The following ADNP variants were observed in gnomAD, a reference collection of about 807,000 sequenced individuals.
ADNP encodes activity-dependent neuroprotector homeobox protein.
In ADNP, 4 loss-of-function variants were observed where a neutral mutation model predicts 84.9. The observed-to-expected ratio is 0.05, with a 90% CI of 0.02 to 0.11. The LOEUF (loss-of-function observed/expected upper bound fraction) is 0.11. Ranked by LOEUF, ADNP falls within the 10% of genes least tolerant of loss-of-function variation. ADNP has a pLI of 1.00. For synonymous variants in ADNP, 554 were observed against 468.1 expected (o/e 1.18, Z -2.37); for missense variants, 1,132 against 1,326.0 (o/e 0.85, Z 2.27).
intron 2 of ADNP, among the ~76,000 whole-genome samples, chr20:50,916,738 GA>G (rs1322887696): frequency 2.0e-5 from 3 of 152,150 alleles, no homozygotes; most frequent in Non-Finnish European, 4.4e-5. Context: ...TGCCTTTTCA[GA>G]ATTAGCTTGT....
chr20:50,904,163 G>A (rs1002492376), intron 3 of ADNP, 162 bp from the exon 4 acceptor site: 9 of 603,988 alleles, frequency 1.5e-5, no homozygotes, highest in Admixed American at 8.8e-5. Context: ...CTGCTTTCAT[G>A]TGCATATGGC....
chr20:50,922,311 CCTT>C (rs1359562246), intron 2 of ADNP, among the ~76,000 whole-genome samples: 1 of 152,172 alleles, frequency 6.6e-6, no homozygotes, highest in Admixed American at 6.5e-5. Context: ...ACTGCTCTCT[CCTT>C]CTTCAGACTC....
intron 5 of ADNP, among the ~76,000 whole-genome samples, chr20:50,899,490 CATGAGCCCAG>C (rs1981744743): frequency 6.6e-6 from 1 of 152,146 alleles, no homozygotes; most frequent in African/African-American, 2.4e-5. Flanking sequence ...GGATTATAGG[CATGAGCCCAG>C]CGCCCGGCCG....
chr20:50,913,250 C>CAAAAAAAAAAAAAAAAAAAAAAAAAAA lies in ADNP; in HGVS notation c.-89-8428_-89-8402dup, dbSNP rs56911332. ...CCTGGGCAAGAGTGAGACTCTGTCT[C>CAAAAAAAAAAAAAAAAAAAAAAAAAAA]AAAAAAAAAAAAAAAAAAAAAAAAA... is the stretch of plus-strand genomic sequence containing the variant. On this transcript the variant is annotated intron_variant, in intron 2 of 5. Transcript: ENST00000621696. 1.4e-4 allele frequency among the ~76,000 whole-genome samples: 6 copies of CAAAAAAAAAAAAAAAAAAAAAAAAAAA among 42,902 alleles called. 1 individual carries two copies. Among genetic ancestry groups the CAAAAAAAAAAAAAAAAAAAAAAAAAAA allele is most frequent in the African/African-American group, 3.2e-4 (4 of 12,496 alleles). The allele number at this position is 42,902 out of a possible 152,430, so 28.1% of individuals were successfully genotyped here.
At chr20:50,903,308 A>G (rs1982165396) in intron 4 of ADNP, among the ~76,000 whole-genome samples, 1 of 152,218 alleles carries the variant, frequency 6.6e-6, no homozygotes, top group Non-Finnish European at 1.5e-5. Flanking sequence ...AGAATAAAAC[A>G]GCTTGAAAAA....
intron 5 of ADNP, 77 bp downstream of exon 5, chr20:50,901,940 C>T (rs946680069): frequency 3.3e-5 from 36 of 1,084,132 alleles, no homozygotes; most frequent in East Asian, 9.5e-5. Flanking sequence ...ATCACTGCAC[C>T]GCTATAAAAG....
intron 5 of ADNP, among the ~76,000 whole-genome samples, chr20:50,897,352 C>T (rs1341397664): frequency 1.3e-5 from 2 of 152,196 alleles, no homozygotes; most frequent in Non-Finnish European, 1.5e-5. Context: ...TCTCTTTCCT[C>T]TTCACCTATG....
chr20:50,910,905 C>T (rs1327822117), intron 2 of ADNP, among the ~76,000 whole-genome samples: 3 of 152,266 alleles, frequency 2.0e-5, no homozygotes, highest in East Asian at 1.9e-4. Context: ...CTTCCCACCT[C>T]GGCCCCGCAA....
Position 50,890,806 on chromosome 20 carries a change from A to C in ADNP, c.*599T>G. On this transcript the variant is annotated 3_prime_UTR_variant, in exon 6 of 6. Coordinates refer to ENST00000621696, the MANE Select transcript of ADNP (RefSeq NM_001282531.3). ...TAAGTCTGTCCAAAAAGTCCATACT[A>C]GCGCAGTTTTGAGCTTTTGCTAGGT... 1.3e-4 allele frequency: 64 copies of C among 510,658 alleles called. No individual in the cohort carries two copies. Among genetic ancestry groups the C allele is most frequent in the South Asian group, 1.7e-4 (2 of 11,798 alleles). The allele number at this position is 510,658 out of a possible 1,614,324, so 31.6% of individuals were successfully genotyped here.
chr20:50,914,006 G>C, intron 2 of ADNP: 1 of 753,268 alleles, frequency 1.3e-6, no homozygotes, highest in South Asian at 1.4e-5. Context: ...GCCCTTCTGG[G>C]AAAAGGTGCT....
At chr20:50,914,267 A>T (rs772739385) in intron 2 of ADNP, 2 of 706,000 alleles carry the variant, frequency 2.8e-6, no homozygotes, top group Non-Finnish European at 5.2e-6. Context: ...TTAGTCTGTG[A>T]TAAGAGTGGA....
At position 50,902,027 on chromosome 20, in the gene ADNP, G is replaced by A. The variant is rs752399004; in HGVS notation, c.191C>T (p.Thr64Met). Residue 64 changes from threonine (T) to methionine (M), a missense_variant, in exon 5 of 6, where the codon ACG (threonine) becomes ATG (methionine). This residue lies in a region of ADNP where 56 missense variants were observed against 94.6 expected (regional missense o/e 0.59). Transcript: ENST00000621696. ...TCCTGTGCCACTTACCTGGTTTTTC[G>A]TAAGTGATGGGTCCCACAGTCCTAC... ...EDVGLWDPSL[T>M]KNQDYRTKPF... 1.1e-5 allele frequency: 18 copies of A among 1,612,854 alleles called. No homozygotes were observed. In the Admixed American group the frequency reaches 2.3e-4, roughly 21 times the overall value.
At chr20:50,906,702 C>T (rs957949209) in intron 2 of ADNP, among the ~76,000 whole-genome samples, 19 of 152,218 alleles carry the variant, frequency 1.2e-4, no homozygotes. Flanking sequence ...GATGAAGCAT[C>T]TCACTGCCTG....
In ADNP at chr20:50,891,211, CAG is replaced by C; in HGVS notation, c.*192_*193del. 1 of 1,332,572 alleles carries C rather than the reference CAG, an allele frequency of 7.5e-7. No homozygotes were observed. The highest frequency in any genetic ancestry group is 1.5e-5 in the African/African-American group (1 of 66,688). 82.5% of individuals were successfully genotyped at this position (1,332,572 alleles called of 1,614,324 possible). ...TTTCACATTTAGTTACCGTGTCTGTCAGAGAAGGTTCTGAAGCAAGAACAGCC... is the reference window on the plus strand; with the variant it reads ...TTTCACATTTAGTTACCGTGTCTGTCAGAAGGTTCTGAAGCAAGAACAGCC... On this transcript the variant is annotated 3_prime_UTR_variant, in exon 6 of 6. Coordinates refer to ENST00000621696, the MANE Select transcript of ADNP (RefSeq NM_001282531.3).
At position 50,898,779 on chromosome 20, in the gene ADNP, G is replaced by A. The variant is rs1225533506; in HGVS notation, c.201+3238C>T. Among the ~76,000 whole-genome samples the A allele has an allele frequency of 2.0e-5, 3 of 152,182 alleles. No homozygotes were observed. In the East Asian group the frequency reaches 5.8e-4, roughly 29 times the overall value. On this transcript the variant is annotated intron_variant, in intron 5 of 5. Transcript: ENST00000621696. ...CAATCAAGAGACACAGTGAACACAA[G>A]CTGTATGAGGCTGCTACCAGTTACC... is the stretch of plus-strand genomic sequence containing the variant.
Position 50,930,477 on chromosome 20 carries a change from A to AC in ADNP, c.-265+348_-265+349insG, listed in dbSNP as rs1984632849. On this transcript the variant is annotated intron_variant, in intron 1 of 5. Coordinates refer to ENST00000621696, the MANE Select transcript of ADNP (RefSeq NM_001282531.3). ...GTGGGGGGCGGACGGGATTAGTTCC[A>AC]GGATGGGAGAAGCTCGGTTCTGGCT... 3.3e-5 allele frequency among the ~76,000 whole-genome samples: 5 copies of AC among 151,840 alleles called. No individual in the cohort carries two copies. The East Asian group carries it at 7.9e-4, about 24-fold the overall frequency.
intron 2 of ADNP, among the ~76,000 whole-genome samples, chr20:50,905,927 T>C (rs1487970181): frequency 6.6e-6 from 1 of 152,174 alleles, no homozygotes; most frequent in Non-Finnish European, 1.5e-5. Context: ...AAACAGTTAG[T>C]ACACACTGGG....
Position 50,889,695 on chromosome 20 carries a change from G to A in ADNP, c.*1710C>T, listed in dbSNP as rs1483696626. On this transcript the variant is annotated 3_prime_UTR_variant, in exon 6 of 6. Coordinates refer to ENST00000621696, the MANE Select transcript of ADNP (RefSeq NM_001282531.3). ...TGACTGACCAGCCTCCTCATGGATT[G>A]GAGTTTCCCATCATTGTTTTAATTG... The A allele has an allele frequency of 2.6e-6, 1 of 391,708 alleles. No homozygotes were observed. The highest frequency in any genetic ancestry group is 4.5e-6 in the Non-Finnish European group (1 of 222,202). The allele number at this position is 391,708 out of a possible 1,614,324, so 24.3% of individuals were successfully genotyped here.
At chr20:50,913,532 A>C (rs187402034) in intron 2 of ADNP, among the ~76,000 whole-genome samples, 1 of 152,318 alleles carries the variant, frequency 6.6e-6, no homozygotes, top group East Asian at 1.9e-4. Context: ...AAAAAATGTT[A>C]AGTTATGCTG....
Sources: allele counts gnomAD v4.1 joint callset (sites outside exome capture counted in the v4.1 genomes callset), GRCh38; gene constraint gnomAD v4.1.1; regional missense constraint gnomAD v4.1.1; transcripts MANE v1.5; gene names NCBI Gene and HGNC (gene_info 2026-07-23, HGNC 2026-07-21).